Variants in TNFRSF13B observed in about 807,000 individuals in gnomAD.
TNFRSF13B encodes TNF receptor superfamily member 13B.
In TNFRSF13B, 34 loss-of-function variants were observed where a neutral mutation model predicts 24.0. The ratio of observed to expected loss-of-function variants is 1.41; its 90% confidence interval spans 1.08 to 1.88. The LOEUF is 1.88. Ranked by LOEUF, TNFRSF13B falls within the 40% of genes most tolerant of loss-of-function variation. The pLI is 0.00. For missense variants in TNFRSF13B, 415 were observed against 380.8 expected, an observed-to-expected ratio of 1.09 and a Z score of -0.75; for synonymous variants, 173 against 150.3, an observed-to-expected ratio of 1.15 and a Z score of -1.10.
At chr17:16,966,956 A>T (rs1415168884) in intron 1 of TNFRSF13B, among the ~76,000 whole-genome samples, 10 of 146,832 alleles carry the variant, frequency 6.8e-5, no homozygotes, top group African/African-American at 2.5e-4. Context: ...CTCTTGCCTC[A>T]GCCTTCCGAG....
intron 2 of TNFRSF13B, among the ~76,000 whole-genome samples, chr17:16,949,670 T>C (rs1025098711): frequency 1.3e-5 from 2 of 151,542 alleles, no homozygotes; most frequent in African/African-American, 4.8e-5. Context: ...TTATCTAAAG[T>C]CTCAGAATAT....
intron 1 of TNFRSF13B, among the ~76,000 whole-genome samples, chr17:16,955,552 T>C (rs1196451356): frequency 6.6e-6 from 1 of 152,174 alleles, no homozygotes; most frequent in Admixed American, 6.5e-5. Flanking sequence ...TTTCAGGAGC[T>C]CCGAAGGTTG....
chr17:16,951,828 C>T (rs1222908631), intron 2 of TNFRSF13B, among the ~76,000 whole-genome samples: 5 of 152,024 alleles, frequency 3.3e-5, no homozygotes, highest in Non-Finnish European at 7.3e-5. Context: ...GTGGAGGTTG[C>T]GGTGAGCCAA....
rs534163154 is a variant in TNFRSF13B, at chr17:16,952,044, G to T, written c.199+402C>A. On this transcript the variant is annotated intron_variant, in intron 2 of 4. Transcript: ENST00000261652. ...TGTGCTGTCCTCTCTATGTACATGT[G>T]TGATAAGTTCTGTAATAAAAAGTTT... 3.3e-5 allele frequency among the ~76,000 whole-genome samples: 5 copies of T among 152,272 alleles called. No individual in the cohort carries two copies. The East Asian group carries it at 9.6e-4, about 29-fold the overall frequency.
At chr17:16,946,326 C>T (rs1357286678) in intron 3 of TNFRSF13B, among the ~76,000 whole-genome samples, 7 of 152,202 alleles carry the variant, frequency 4.6e-5, no homozygotes, top group African/African-American at 1.7e-4. Context: ...AGGCCGAGAG[C>T]AGGGCAGATG....
chr17:16,945,507 A>G (rs1367630461), intron 3 of TNFRSF13B, among the ~76,000 whole-genome samples: 1 of 152,190 alleles, frequency 6.6e-6, no homozygotes. Flanking sequence ...TCCAAATTTG[A>G]GACTCACTCT....
At chr17:16,942,824 C>T (rs1451290734) in intron 3 of TNFRSF13B, among the ~76,000 whole-genome samples, 2 of 152,230 alleles carry the variant, frequency 1.3e-5, no homozygotes, top group Non-Finnish European at 2.9e-5. Context: ...AGAGACCACA[C>T]CCAGAGCACA....
At chr17:16,954,580 G>A (rs2143665992) in intron 1 of TNFRSF13B, among the ~76,000 whole-genome samples, 1 of 152,360 alleles carries the variant, frequency 6.6e-6, no homozygotes, top group African/African-American at 2.4e-5. Context: ...GGAGGAACCA[G>A]AGTGCCTGAC....
intron 1 of TNFRSF13B, among the ~76,000 whole-genome samples, chr17:16,966,685 G>A (rs2087701903): frequency 6.6e-6 from 1 of 152,074 alleles, no homozygotes; most frequent in African/African-American, 2.4e-5. Context: ...CAAAATTACT[G>A]ATGGATTTAC....
chr17:16,967,751 C>CAAAAAAAAAAAAAAAAAAAAA (rs975103327), intron 1 of TNFRSF13B, among the ~76,000 whole-genome samples: 1 of 24,500 alleles, frequency 4.1e-5, no homozygotes, highest in Non-Finnish European at 9.9e-5. Flanking sequence ...GACTCCGTCT[C>CAAAAAAAAAAAAAAAAAAAAA]AAAAAAAAAA....
At chr17:16,953,061 T>C (rs1196549172) in intron 1 of TNFRSF13B, among the ~76,000 whole-genome samples, 1 of 152,240 alleles carries the variant, frequency 6.6e-6, no homozygotes, top group African/African-American at 2.4e-5. Flanking sequence ...GTCCTTCTTC[T>C]ACACACTCGC....
chr17:16,960,339 A>T (rs893233131), intron 1 of TNFRSF13B, among the ~76,000 whole-genome samples: 3 of 152,202 alleles, frequency 2.0e-5, no homozygotes, highest in Non-Finnish European at 4.4e-5. Context: ...CAAGGCCAGG[A>T]TACACACATT....
rs375314767 is a variant in TNFRSF13B at position 16,939,808 on chromosome 17, G to T, written c.632-11C>A. On this transcript the variant is annotated splice_polypyrimidine_tract_variant and intron_variant, in intron 4 of 4. Coordinates refer to ENST00000261652, the MANE Select transcript of TNFRSF13B (RefSeq NM_012452.3). ...CTTCCATCGCGTGATCTGCAGAGGC[G>T]AGAGTGGAGGGCGTGGGCCAGGCCT... is the stretch of plus-strand genomic sequence containing the variant. 6 of 1,609,910 alleles carry T rather than the reference G, an allele frequency of 3.7e-6. No homozygotes were observed. The African/African-American group carries it at 5.3e-5, about 14-fold the overall frequency.
intron 4 of TNFRSF13B, 68 bp downstream of exon 4, chr17:16,940,258 C>G (rs569270953): frequency 6.2e-7 from 1 of 1,611,212 alleles, no homozygotes; most frequent in East Asian, 2.2e-5. Context: ...GTGACAGGAC[C>G]GAGGGATGGC....
At chr17:16,967,128 C>A (rs561534704) in intron 1 of TNFRSF13B, among the ~76,000 whole-genome samples, 12 of 152,106 alleles carry the variant, frequency 7.9e-5, no homozygotes, top group African/African-American at 2.9e-4. Flanking sequence ...TGTGAGCCAC[C>A]ACGCCTGGCC....
rs1232982545 is a variant in TNFRSF13B, at chr17:16,972,021, C to T, written c.55G>A (p.Glu19Lys). 1 of 1,614,186 alleles carries T rather than the reference C, an allele frequency of 6.2e-7. No homozygotes were observed. The highest frequency in any genetic ancestry group is 1.7e-5 in the Admixed American group (1 of 60,038). Residue 19 changes from glutamate (E) to lysine (K), a missense_variant, in exon 1 of 5, where the codon GAG becomes AAG. Coordinates refer to ENST00000261652, the MANE Select transcript of TNFRSF13B (RefSeq NM_012452.3). ...RGGRSRVDQE[E>K]RFPQGLWTGV... Reference sequence around the variant, plus strand: ...CTCCTGCCCGGCTACTCACAGCGCTCCTCCTGGTCCACACGGCTCCGGCCA... The same window carrying T: ...CTCCTGCCCGGCTACTCACAGCGCTTCTCCTGGTCCACACGGCTCCGGCCA...
intron 3 of TNFRSF13B, among the ~76,000 whole-genome samples, chr17:16,947,193 A>G (rs1043675079): frequency 3.3e-5 from 5 of 152,228 alleles, no homozygotes; most frequent in South Asian, 4.1e-4. Flanking sequence ...ATCCCTGAGG[A>G]ACATAGATGC....
chr17:16,968,338 G>A (rs1182438496), intron 1 of TNFRSF13B, among the ~76,000 whole-genome samples: 1 of 152,184 alleles, frequency 6.6e-6, no homozygotes, highest in African/African-American at 2.4e-5. Flanking sequence ...TGCTAATTAA[G>A]ATAGGGTGGT....
chr17:16,952,587 A>G lies in TNFRSF13B; in HGVS notation c.62-4T>C. ...CCCGTCCACAGGCCCTGTGGAACTG[A>G]GAGACCAGGAGAGTGAGGGCAGCTG... On this transcript the variant is annotated splice_polypyrimidine_tract_variant and splice_region_variant and intron_variant, in intron 1 of 4. Coordinates refer to ENST00000261652, the MANE Select transcript of TNFRSF13B (RefSeq NM_012452.3). The G allele has an allele frequency of 6.2e-7, 1 of 1,614,116 alleles. No individual in the cohort carries two copies. Among genetic ancestry groups the G allele is most frequent in the Non-Finnish European group, 8.5e-7 (1 of 1,179,958 alleles).
Sources: gnomAD v4.1 joint callset for allele counts (sites outside exome capture counted in the v4.1 genomes callset) on GRCh38, gnomAD v4.1.1 for gene constraint, MANE v1.5 for transcripts, NCBI Gene and HGNC (gene_info 2026-07-23, HGNC 2026-07-21) for gene names.